GRIK1: variants seen among roughly 807,000 people sequenced by gnomAD.
GRIK1 encodes the protein glutamate ionotropic receptor kainate type subunit 1.
A neutral mutation model predicts 105.7 loss-of-function variants in GRIK1; 69 were observed. That is an observed-to-expected ratio of 0.65 (90% CI 0.54 to 0.80). The LOEUF (loss-of-function observed/expected upper bound fraction) is 0.80. Ranked by LOEUF, GRIK1 falls within the 30% of genes least tolerant of loss-of-function variation. GRIK1 has a pLI of 0.00. For synonymous variants in GRIK1, 438 were observed against 431.3 expected, an observed-to-expected ratio of 1.02 and a Z score of -0.19; for missense variants, 1,109 against 1,167.3, an observed-to-expected ratio of 0.95 and a Z score of 0.73.
chr21:29,776,044 G>A lies in GRIK1; in HGVS notation c.119-81981C>T, dbSNP rs1000497335. ...ACGCACCTTCTTTACAAGGTGGCAG[G>A]AAGGAGAATGAATGCAGAAGGAACT... On this transcript the variant is annotated intron_variant, in intron 1 of 17. Coordinates refer to ENST00000327783, the MANE Select transcript of GRIK1 (RefSeq NM_001330994.2). 1.6e-4 allele frequency among the ~76,000 whole-genome samples: 24 copies of A among 152,202 alleles called. 1 individual carries two copies. The highest frequency in any genetic ancestry group is 5.8e-4 in the African/African-American group (24 of 41,464).
chr21:29,879,894 G>A (rs868297958), intron 1 of GRIK1, among the ~76,000 whole-genome samples: 2 of 151,982 alleles, frequency 1.3e-5, no homozygotes, highest in African/African-American at 4.8e-5. Context: ...AACAGGAGAT[G>A]AAGAAAACCT....
chr21:29,829,307 CT>C (rs1270294162), intron 1 of GRIK1, among the ~76,000 whole-genome samples: 2 of 152,194 alleles, frequency 1.3e-5, no homozygotes, highest in Non-Finnish European at 2.9e-5. Flanking sequence ...ATGTATTACA[CT>C]CTTCAAATTC....
At chr21:29,558,255 A>C (rs1377089913) in intron 15 of GRIK1, among the ~76,000 whole-genome samples, 1 of 152,024 alleles carries the variant, frequency 6.6e-6, no homozygotes, top group African/African-American at 2.4e-5. Context: ...TGTACAGATA[A>C]TTTTTAATAT....
chr21:29,540,360 A>G (rs1333351808), intron 16 of GRIK1, among the ~76,000 whole-genome samples: 1 of 152,180 alleles, frequency 6.6e-6, no homozygotes, highest in Non-Finnish European at 1.5e-5. Flanking sequence ...TTGGTTGCAA[A>G]CAATGATTTC....
At chr21:29,839,103 G>T (rs759622320) in intron 1 of GRIK1, among the ~76,000 whole-genome samples, 2 of 152,016 alleles carry the variant, frequency 1.3e-5, no homozygotes, top group Non-Finnish European at 2.9e-5. Flanking sequence ...AGGCCAGAGT[G>T]CAGTGGTGCG....
At chr21:29,646,684 T>C (rs548086652) in intron 6 of GRIK1, among the ~76,000 whole-genome samples, 1 of 152,234 alleles carries the variant, frequency 6.6e-6, no homozygotes, top group Non-Finnish European at 1.5e-5. Flanking sequence ...ATTGGGGTGC[T>C]GAAGAGAGAC....
intron 1 of GRIK1, among the ~76,000 whole-genome samples, chr21:29,736,125 C>A (rs2064784852): frequency 6.6e-6 from 1 of 152,156 alleles, no homozygotes; most frequent in Non-Finnish European, 1.5e-5. Flanking sequence ...AGTTTCATTA[C>A]CTGTGAAGCA....
At chr21:29,811,454 A>G (rs1002291505) in intron 1 of GRIK1, among the ~76,000 whole-genome samples, 5 of 152,154 alleles carry the variant, frequency 3.3e-5, no homozygotes, top group South Asian at 2.1e-4. Context: ...CTCTCTAACT[A>G]TAAGTAGATT....
intron 7 of GRIK1, among the ~76,000 whole-genome samples, chr21:29,633,131 AAC>A (rs1350555872): frequency 6.6e-6 from 1 of 152,218 alleles, no homozygotes; most frequent in Non-Finnish European, 1.5e-5. Flanking sequence ...ACCATGTGGA[AAC>A]ACAGCAAGAA....
intron 1 of GRIK1, among the ~76,000 whole-genome samples, chr21:29,863,897 G>A (rs1309538039): frequency 1.3e-5 from 2 of 152,114 alleles, no homozygotes; most frequent in East Asian, 1.9e-4. Context: ...ATAAGGCCAA[G>A]CACATTAAAT....
intron 7 of GRIK1, among the ~76,000 whole-genome samples, chr21:29,612,902 A>C (rs185140183): frequency 6.6e-6 from 1 of 152,202 alleles, no homozygotes; most frequent in East Asian, 1.9e-4. Flanking sequence ...GTAATTTAAA[A>C]TGCTACTTAA....
intron 14 of GRIK1, among the ~76,000 whole-genome samples, chr21:29,570,727 A>C (rs1276896012): frequency 6.6e-6 from 1 of 152,136 alleles, no homozygotes; most frequent in Non-Finnish European, 1.5e-5. Context: ...CCTTTGACCA[A>C]ATAGGCTATT....
intron 7 of GRIK1, among the ~76,000 whole-genome samples, chr21:29,635,958 C>G (rs1208369081): frequency 1.3e-5 from 2 of 152,136 alleles, no homozygotes; most frequent in Non-Finnish European, 2.9e-5. Flanking sequence ...GGAAATGCTT[C>G]AAGAAAAAGA....
intron 5 of GRIK1, among the ~76,000 whole-genome samples, chr21:29,651,847 A>C (rs2062745585): frequency 6.6e-6 from 1 of 151,870 alleles, no homozygotes; most frequent in Non-Finnish European, 1.5e-5. Context: ...CCATTGGATA[A>C]AGGGGAGCTG....
intron 1 of GRIK1, among the ~76,000 whole-genome samples, chr21:29,895,554 T>C (rs1305954421): frequency 6.6e-6 from 1 of 152,216 alleles, no homozygotes; most frequent in Non-Finnish European, 1.5e-5. Flanking sequence ...AGCCCATCCA[T>C]GTCTCTCGAA....
chr21:29,601,218 CCTGA>C (rs1198285518), intron 7 of GRIK1: 3 of 510,826 alleles, frequency 5.9e-6, no homozygotes, highest in Non-Finnish European at 1.2e-5. Context: ...TTACTCTCTG[CCTGA>C]CTGACAGCTG....
At chr21:29,542,565 G>T (rs1384306127) in intron 16 of GRIK1, among the ~76,000 whole-genome samples, 1 of 152,162 alleles carries the variant, frequency 6.6e-6, no homozygotes, top group Admixed American at 6.5e-5. Context: ...TTGGATTTGA[G>T]TTTGCAGTAT....
At chr21:29,573,251 T>G (rs1164239021) in intron 14 of GRIK1, among the ~76,000 whole-genome samples, 2 of 152,216 alleles carry the variant, frequency 1.3e-5, no homozygotes. Context: ...ATGCCTCATT[T>G]TCAGGACCAG....
chr21:29,934,940 A>T (rs1262152356), intron 1 of GRIK1, among the ~76,000 whole-genome samples: 2 of 152,192 alleles, frequency 1.3e-5, no homozygotes, highest in African/African-American at 4.8e-5. Context: ...ACTCCCTTTT[A>T]TATCACACTA....
Sources: gnomAD v4.1 joint callset for allele counts (sites outside exome capture counted in the v4.1 genomes callset) on GRCh38, gnomAD v4.1.1 for gene constraint, MANE v1.5 for transcripts, NCBI Gene and HGNC (gene_info 2026-07-23, HGNC 2026-07-21) for gene names.